Variants in UBR3 observed in about 807,000 individuals in gnomAD.
UBR3 encodes E3 ubiquitin-protein ligase UBR3.
UBR3 carries 85 observed loss-of-function variants against 243.2 expected under a neutral mutation model. The ratio of observed to expected loss-of-function variants is 0.35; its 90% confidence interval spans 0.29 to 0.42. UBR3 has a LOEUF of 0.42. Ranked by LOEUF, UBR3 falls within the 10% of genes least tolerant of loss-of-function variation. The pLI, the probability that UBR3 is intolerant of heterozygous loss-of-function variation, is 1.00. For synonymous variants in UBR3, 748 were observed against 799.8 expected (o/e 0.94, Z 1.09); for missense variants, 1,686 against 2,300.8 (o/e 0.73, Z 5.47).
chr2:169,831,300 C>T (rs939472959), intron 1 of UBR3, among the ~76,000 whole-genome samples: 7 of 149,932 alleles, frequency 4.7e-5, no homozygotes, highest in South Asian at 2.1e-4. Context: ...CCACCACACC[C>T]GGCTAATTTT....
intron 36 of UBR3, among the ~76,000 whole-genome samples, chr2:170,073,831 A>T (rs1315473100): frequency 6.6e-6 from 1 of 152,216 alleles, no homozygotes; most frequent in Non-Finnish European, 1.5e-5. Flanking sequence ...GTTTGGGGTC[A>T]GCAGATTTTT....
chr2:169,845,982 G>A (rs1431075175), intron 1 of UBR3, among the ~76,000 whole-genome samples: 2 of 152,148 alleles, frequency 1.3e-5, no homozygotes, highest in African/African-American at 4.8e-5. Context: ...TCAGAATGTC[G>A]TCTCTCTTGG....
intron 1 of UBR3, among the ~76,000 whole-genome samples, chr2:169,832,877 G>GA (rs1335240375): frequency 6.6e-6 from 1 of 151,830 alleles, no homozygotes; most frequent in African/African-American, 2.4e-5. Context: ...AGGTTACAGT[G>GA]AGCCAAGATC....
Position 169,926,950 on chromosome 2 carries a change from T to G in UBR3, c.2317T>G (p.Leu773Val). The change falls in exon 16 of 39, where the codon TTG (leucine) becomes GTG (valine). Residue 773 changes from leucine (L) to valine (V), a missense_variant. By Grantham distance (32) the Leu-to-Val change is conservative (BLOSUM62 1). This residue lies in a region of UBR3 where 346 missense variants were observed against 585.8 expected (regional missense o/e 0.59). Transcript: ENST00000272793. ...EGALTFLVIL[L>V]SLRLHLGMSD... ...CGCTCTTACATTTCTTGTGATTCTT[T>G]TGAGTCTTCGTTTACATTTAGGTAA... The G allele has an allele frequency of 2.6e-6, 4 of 1,550,942 alleles. No individual in the cohort carries two copies. The highest frequency in any genetic ancestry group is 2.6e-6 in the Non-Finnish European group (3 of 1,146,494).
intron 23 of UBR3, among the ~76,000 whole-genome samples, chr2:169,956,426 A>G (rs544119247): frequency 1.3e-5 from 2 of 152,118 alleles, no homozygotes; most frequent in South Asian, 2.1e-4. Flanking sequence ...GTGCTAGGAC[A>G]TGTTCAGAAA....
intron 36 of UBR3, among the ~76,000 whole-genome samples, chr2:170,075,636 C>A (rs780002177): frequency 6.6e-6 from 1 of 152,054 alleles, no homozygotes; most frequent in Admixed American, 6.6e-5. Context: ...ACCATTTGAC[C>A]TGTATTCCCC....
intron 27 of UBR3, among the ~76,000 whole-genome samples, chr2:170,002,751 G>A (rs953296019): frequency 6.6e-6 from 1 of 152,150 alleles, no homozygotes; most frequent in Non-Finnish European, 1.5e-5. Flanking sequence ...ATCAGGAGCT[G>A]AGTTCAAACC....
intron 4 of UBR3, 57 bp downstream of exon 4, chr2:169,877,694 A>T: frequency 3.4e-6 from 5 of 1,464,136 alleles, no homozygotes; most frequent in Non-Finnish European, 4.5e-6. Context: ...AAACCAAAAA[A>T]ACCTCTCAAA....
Position 169,994,494 on chromosome 2 carries a change from A to G in UBR3, c.3918+38A>G, listed in dbSNP as rs189266504. 585 of 1,568,124 alleles carry G rather than the reference A, an allele frequency of 3.7e-4. 4 individuals are homozygous for G. In the African/African-American group the frequency reaches 7.2e-3, roughly 19 times the overall value. On this transcript the variant is annotated intron_variant, in intron 26 of 38. Transcript: ENST00000272793. Reference sequence around the variant, plus strand: ...TATAAAATAGTACTTTTGTCTGCCAAGTTGATGGTTATTTCCCTCCAGAAT... The same window carrying G: ...TATAAAATAGTACTTTTGTCTGCCAGGTTGATGGTTATTTCCCTCCAGAAT...
chr2:169,853,031 A>G (rs1383685810), intron 1 of UBR3, among the ~76,000 whole-genome samples: 3 of 152,248 alleles, frequency 2.0e-5, no homozygotes, highest in Non-Finnish European at 2.9e-5. Context: ...AACCAAAACA[A>G]TGAATGAATG....
chr2:169,861,376 G>A (rs62170273), intron 1 of UBR3, among the ~76,000 whole-genome samples: 1 of 152,166 alleles, frequency 6.6e-6, no homozygotes, highest in South Asian at 2.1e-4. Context: ...CTGGGAGGCC[G>A]AGGCGGGTGG....
chr2:169,927,516 A>C, intron 17 of UBR3, 111 bp downstream of exon 17: 4 of 820,402 alleles, frequency 4.9e-6, no homozygotes, highest in African/African-American at 1.8e-5. Context: ...GTTGAAAAAT[A>C]ATATAGAAAA....
intron 22 of UBR3, among the ~76,000 whole-genome samples, chr2:169,948,435 C>G (rs940666212): frequency 1.3e-5 from 2 of 151,918 alleles, no homozygotes; most frequent in South Asian, 4.1e-4. Context: ...AATCAGCGCT[C>G]TCATTGCATG....
At chr2:170,057,238 T>C (rs1396261872) in intron 33 of UBR3, among the ~76,000 whole-genome samples, 1 of 151,608 alleles carries the variant, frequency 6.6e-6, no homozygotes, top group African/African-American at 2.4e-5. Context: ...ACCTCAGCCC[T>C]GACGAGTAGT....
chr2:169,922,183 G>A (rs1232709382), intron 11 of UBR3, among the ~76,000 whole-genome samples: 1 of 151,834 alleles, frequency 6.6e-6, no homozygotes, highest in Non-Finnish European at 1.5e-5. Context: ...CTGCTCAGGG[G>A]GCCGAGGAGG....
At chr2:169,998,777 T>C (rs906554446) in intron 26 of UBR3, among the ~76,000 whole-genome samples, 1 of 152,216 alleles carries the variant, frequency 6.6e-6, no homozygotes, top group African/African-American at 2.4e-5. Flanking sequence ...GCATTCACGG[T>C]AGAAACTGGA....
chr2:169,993,355 CAG>C (rs1232767082), intron 25 of UBR3, among the ~76,000 whole-genome samples: 2 of 152,058 alleles, frequency 1.3e-5, no homozygotes, highest in African/African-American at 2.4e-5. Context: ...TTTTTGTGGT[CAG>C]AGTCAGTAAT....
chr2:170,008,866 G>A lies in UBR3; in HGVS notation c.4293G>A (p.Gln1431=). Residue 1431 remains glutamine, a synonymous_variant, in exon 29 of 39, where the codon CAG becomes CAA. Coordinates refer to ENST00000272793, the MANE Select transcript of UBR3 (RefSeq NM_172070.4). The stretch of plus-strand genomic sequence containing the variant: ...TGAAAGATATAAAAAATACCACTCA[G>A]AAGAAATATAGAGACTATAGCAAGA... ...SVMKDIKNTT[Q]KKYRDYSKTP... The A allele has an allele frequency of 6.4e-7, 1 of 1,570,840 alleles. No individual in the cohort carries two copies. Among genetic ancestry groups the A allele is most frequent in the East Asian group, 2.3e-5 (1 of 44,370 alleles).
chr2:169,839,507 TAGCTAGAAG>T (rs1301620714), intron 1 of UBR3, among the ~76,000 whole-genome samples: 2 of 99,718 alleles, frequency 2.0e-5, no homozygotes, highest in Non-Finnish European at 5.4e-5. Context: ...AATTACAAAA[TAGCTAGAAG>T]AGAAGAATTT....
Sources: gnomAD v4.1 joint callset for allele counts (sites outside exome capture counted in the v4.1 genomes callset) on GRCh38, gnomAD v4.1.1 for gene constraint, gnomAD v4.1.1 regional missense constraint, MANE v1.5 for transcripts, NCBI Gene and HGNC (gene_info 2026-07-23, HGNC 2026-07-21) for gene names.